The following BCL11A variants were observed in gnomAD, a reference collection of about 807,000 sequenced individuals.
The protein encoded by BCL11A is B cell CLL/lymphoma 11A.
BCL11A carries 2 observed loss-of-function variants against 55.9 expected under a neutral mutation model. The ratio of observed to expected loss-of-function variants is 0.04; its 90% CI spans 0.01 to 0.11. BCL11A has a LOEUF of 0.11. BCL11A is among the 10% of genes least tolerant of loss of function. BCL11A has a pLI of 1.00. For synonymous variants in BCL11A, 465 were observed against 473.4 expected (o/e 0.98, Z 0.23); for missense variants, 817 against 1,137.1 (o/e 0.72, Z 4.05).
Position 60,460,176 on chromosome 2 carries a change from AAAAAAAGG to A in BCL11A, c.*220_*227del. The stretch of plus-strand genomic sequence containing the variant: ...ACGGTGAGAACATAAAGGAAAAAAA[AAAAAAAGG>A]AAAAAGAAAAAAGAAAAAGAAAAAG... On this transcript the variant is annotated 3_prime_UTR_variant, in exon 4 of 4. Transcript: ENST00000642384. 1 of 1,293,072 alleles carries A rather than the reference AAAAAAAGG, an allele frequency of 7.7e-7. No individual in the cohort carries two copies. The highest frequency in any genetic ancestry group is 9.8e-7 in the Non-Finnish European group (1 of 1,022,802). The allele number at this position is 1,293,072 out of a possible 1,614,324, so 80.1% of individuals were successfully genotyped here.
chr2:60,477,604 T>TAAAG (rs60443237), intron 2 of BCL11A, among the ~76,000 whole-genome samples: 32 of 150,628 alleles, frequency 2.1e-4, no homozygotes, highest in South Asian at 1.5e-3. Context: ...GTAAAATAAA[T>TAAAG]AAAGAAAGAA....
chr2:60,530,270 T>C (rs776538152), intron 2 of BCL11A, among the ~76,000 whole-genome samples: 13 of 149,860 alleles, frequency 8.7e-5, no homozygotes, highest in Non-Finnish European at 1.6e-4. Context: ...TTGCATATTA[T>C]CGTTCTCAGC....
Position 60,460,288 on chromosome 2 carries a change from A to C in BCL11A, c.*116T>G, listed in dbSNP as rs1676178730. 2.0e-6 allele frequency: 3 copies of C among 1,464,864 alleles called. No homozygotes were observed. The highest frequency in any genetic ancestry group is 2.7e-6 in the Non-Finnish European group (3 of 1,106,524). 90.7% of individuals were successfully genotyped at this position (1,464,864 alleles called of 1,614,324 possible). ...TTCTGTTTGTTTGTTTGTTTGTTTAAATCACATGGGACTAGAAAAAAATCC... is the reference window on the plus strand; with the variant it reads ...TTCTGTTTGTTTGTTTGTTTGTTTACATCACATGGGACTAGAAAAAAATCC... On this transcript the variant is annotated 3_prime_UTR_variant, in exon 4 of 4. Coordinates refer to ENST00000642384, the MANE Select transcript of BCL11A (RefSeq NM_022893.4).
intron 2 of BCL11A, among the ~76,000 whole-genome samples, chr2:60,483,598 C>G (rs112672123): frequency 3.5e-4 from 53 of 152,344 alleles, no homozygotes; most frequent in African/African-American, 1.0e-3. Flanking sequence ...CTGTGGAATG[C>G]TGCAGTTGTC....
intron 2 of BCL11A, among the ~76,000 whole-genome samples, chr2:60,492,237 T>A (rs755206358): frequency 6.6e-6 from 1 of 152,094 alleles, no homozygotes; most frequent in Non-Finnish European, 1.5e-5. Flanking sequence ...CATGGTGGCA[T>A]GCACCTGTCG....
chr2:60,457,939 T>A lies in BCL11A; in HGVS notation c.*2465A>T. The A allele has an allele frequency of 9.6e-7, 1 of 1,044,522 alleles. No individual in the cohort carries two copies. The highest frequency in any genetic ancestry group is 1.2e-6 in the Non-Finnish European group (1 of 866,144). The allele number at this position is 1,044,522 out of a possible 1,614,324, so 64.7% of individuals were successfully genotyped here. ...GGCTTCTCATCTGTAATGTCACACT[T>A]TTTTGTTTCTCTCTTTTTTTTTTTT... On this transcript the variant is annotated 3_prime_UTR_variant, in exon 4 of 4. Transcript: ENST00000642384.
At chr2:60,517,622 C>G (rs1668791736) in intron 2 of BCL11A, among the ~76,000 whole-genome samples, 2 of 152,264 alleles carry the variant, frequency 1.3e-5, no homozygotes. Flanking sequence ...TGCGGGCCAC[C>G]TCTGGCTCCT....
At chr2:60,516,668 G>T (rs1313030657) in intron 2 of BCL11A, among the ~76,000 whole-genome samples, 2 of 152,334 alleles carry the variant, frequency 1.3e-5, no homozygotes, top group South Asian at 2.1e-4. Flanking sequence ...GGACAACTGG[G>T]AGTGAAAGTT....
chr2:60,538,772 TGTGTGTGTGTG>T (rs1336663533), intron 2 of BCL11A, among the ~76,000 whole-genome samples: 21 of 151,576 alleles, frequency 1.4e-4, no homozygotes, highest in African/African-American at 5.1e-4. Context: ...TGTGTGTGTG[TGTGTGTGTGTG>T]TAATGGGGAA....
At chr2:60,482,654 C>T (rs1055054320) in intron 2 of BCL11A, among the ~76,000 whole-genome samples, 1 of 152,218 alleles carries the variant, frequency 6.6e-6, no homozygotes, top group African/African-American at 2.4e-5. Context: ...TCACCCAACC[C>T]TGAAAGCACA....
intron 2 of BCL11A, among the ~76,000 whole-genome samples, chr2:60,519,123 T>C (rs1387548086): frequency 6.6e-6 from 1 of 152,144 alleles, no homozygotes; most frequent in Non-Finnish European, 1.5e-5. Flanking sequence ...ACCAAGAAGC[T>C]TCTTTTCTCC....
chr2:60,467,088 TG>T (rs1174827426), intron 3 of BCL11A, among the ~76,000 whole-genome samples: 1 of 149,488 alleles, frequency 6.7e-6, no homozygotes, highest in Non-Finnish European at 1.5e-5. Context: ...GTGGTGGTGG[TG>T]GTGGTGATGA....
At chr2:60,540,146 T>C (rs1300022753) in intron 2 of BCL11A, among the ~76,000 whole-genome samples, 1 of 152,144 alleles carries the variant, frequency 6.6e-6, no homozygotes, top group Non-Finnish European at 1.5e-5. Context: ...TTTTTTTTAA[T>C]CCTTGAAATA....
chr2:60,463,879 C>CT (rs753881000), intron 3 of BCL11A, among the ~76,000 whole-genome samples: 5 of 150,552 alleles, frequency 3.3e-5, no homozygotes, highest in Non-Finnish European at 5.9e-5. Context: ...TGCAAGAGTT[C>CT]TTTAAGGCCA....
intron 2 of BCL11A, among the ~76,000 whole-genome samples, chr2:60,476,110 G>A (rs1677577384): frequency 6.6e-6 from 1 of 152,176 alleles, no homozygotes; most frequent in African/African-American, 2.4e-5. Flanking sequence ...CTAGAAGCTG[G>A]CCAGGATACA....
At chr2:60,520,264 C>T (rs1008714519) in intron 2 of BCL11A, among the ~76,000 whole-genome samples, 5 of 152,078 alleles carry the variant, frequency 3.3e-5, no homozygotes, top group African/African-American at 1.2e-4. Flanking sequence ...AATTTTCACC[C>T]TTACAATAAA....
chr2:60,520,414 T>C (rs2104551461), intron 2 of BCL11A, among the ~76,000 whole-genome samples: 1 of 152,344 alleles, frequency 6.6e-6, no homozygotes, highest in South Asian at 2.1e-4. Context: ...GAGTATAAAT[T>C]CTGGAGTCTG....
chr2:60,486,109 C>T (rs1335650120), intron 2 of BCL11A, among the ~76,000 whole-genome samples: 1 of 152,202 alleles, frequency 6.6e-6, no homozygotes, highest in African/African-American at 2.4e-5. Context: ...GAGTAGAGAA[C>T]TGTGACAAGC....
At chr2:60,509,727 A>T (rs1057274140) in intron 2 of BCL11A, among the ~76,000 whole-genome samples, 4 of 152,194 alleles carry the variant, frequency 2.6e-5, no homozygotes, top group African/African-American at 9.7e-5. Flanking sequence ...GACTTAAATC[A>T]TCTCAGCTAT....
Sources: gnomAD v4.1 joint callset for allele counts (sites outside exome capture counted in the v4.1 genomes callset) on GRCh38, gnomAD v4.1.1 for gene constraint, MANE v1.5 for transcripts, NCBI Gene and HGNC (gene_info 2026-07-23, HGNC 2026-07-21) for gene names.